Variants in LCP1 observed in about 807,000 individuals in gnomAD.
LCP1 encodes the protein plastin-2.
In LCP1, 23 loss-of-function variants were observed where a neutral mutation model predicts 72.0. That is an observed-to-expected ratio of 0.32 (90% confidence interval 0.23 to 0.45). The LOEUF is 0.45. Ranked by LOEUF, LCP1 falls within the 20% of genes least tolerant of loss-of-function variation. The pLI, the probability that LCP1 is intolerant of heterozygous loss-of-function variation, is 1.00. For missense variants in LCP1, 571 were observed against 748.3 expected (o/e 0.76, Z 2.76); for synonymous variants, 245 against 275.4 (o/e 0.89, Z 1.09).
At chr13:46,172,537 T>C (rs1041296473) in intron 1 of LCP1, among the ~76,000 whole-genome samples, 1 of 151,840 alleles carries the variant, frequency 6.6e-6, no homozygotes, top group African/African-American at 2.4e-5. Context: ...CTCTACAAAG[T>C]GCAAAGCAAA....
chr13:46,151,131 G>A, intron 7 of LCP1, 53 bp from the exon 8 acceptor site: 1 of 1,565,332 alleles, frequency 6.4e-7, no homozygotes, highest in Admixed American at 2.0e-5. Flanking sequence ...TTGGGGGAGG[G>A]GGGTTGGTTA....
At chr13:46,172,261 A>G (rs944279114) in intron 1 of LCP1, among the ~76,000 whole-genome samples, 1 of 152,200 alleles carries the variant, frequency 6.6e-6, no homozygotes, top group Admixed American at 6.5e-5. Context: ...AGATGGGTGG[A>G]TCACCTGAGG....
intron 1 of LCP1, chr13:46,168,652 A>T (rs746121021): frequency 3.9e-5 from 6 of 152,194 alleles, no homozygotes; most frequent in Non-Finnish European, 5.9e-5. Context: ...GTTCACTCCT[A>T]GTTTCTAGGC....
chr13:46,146,821 A>ACATG, intron 10 of LCP1, 87 bp downstream of exon 10: 1 of 1,305,768 alleles, frequency 7.7e-7, no homozygotes, highest in Non-Finnish European at 1.1e-6. Flanking sequence ...TAAATAGTTT[A>ACATG]TATTTGCTTA....
intron 1 of LCP1, among the ~76,000 whole-genome samples, chr13:46,175,980 A>T (rs10083235): frequency 0.028 from 4,250 of 152,242 alleles, 191 homozygotes; most frequent in African/African-American, 0.097. Flanking sequence ...TGAGGGTGAT[A>T]TGAGCAGATG....
intron 1 of LCP1, among the ~76,000 whole-genome samples, chr13:46,162,276 CCCCTCCCTCTCCCGTCT>C (rs1411895871): frequency 4.1e-5 from 5 of 120,960 alleles, no homozygotes; most frequent in Non-Finnish European, 8.5e-5. Context: ...CCTCCCCCTC[CCCCTCCCTCTCCCGTCT>C]CCCTCAACCC....
intron 1 of LCP1, among the ~76,000 whole-genome samples, chr13:46,161,774 G>A (rs1043982513): frequency 1.3e-5 from 2 of 152,150 alleles, no homozygotes; most frequent in Non-Finnish European, 2.9e-5. Context: ...TAAAATACAT[G>A]CCTAAGACCC....
chr13:46,148,976 T>A (rs1017323445), intron 8 of LCP1, among the ~76,000 whole-genome samples: 2 of 152,194 alleles, frequency 1.3e-5, no homozygotes, highest in African/African-American at 4.8e-5. Context: ...GAAAAGTGCA[T>A]TTCATATTTA....
chr13:46,179,506 T>C (rs940077479), intron 1 of LCP1, among the ~76,000 whole-genome samples: 1 of 152,198 alleles, frequency 6.6e-6, no homozygotes, highest in Non-Finnish European at 1.5e-5. Flanking sequence ...ATTAATGTTA[T>C]ACTTACTCCA....
rs568870657 is a variant in LCP1, at chr13:46,150,804, C to A, written c.882+132G>T. 2.1e-5 allele frequency: 21 copies of A among 991,110 alleles called. No homozygotes were observed. In the East Asian group the frequency reaches 4.9e-4, roughly 23 times the overall value. 61.4% of individuals were successfully genotyped at this position (991,110 alleles called of 1,614,324 possible). ...GATGGGCTCTCAAGGACAGTGAGCA[C>A]CTCCAAAACAGCACCAGACTACCCT... On this transcript the variant is annotated intron_variant, in intron 8 of 15. Coordinates refer to ENST00000323076, the MANE Select transcript of LCP1 (RefSeq NM_002298.5).
At chr13:46,168,404 G>A (rs7321994) in intron 1 of LCP1, 42,817 of 152,092 alleles carry the variant, frequency 0.28, 7,238 homozygotes, top group African/African-American at 0.46. Flanking sequence ...GTGAGGGAGT[G>A]GGCAGCTCCC....
chr13:46,148,305 T>C (rs1427909061), intron 9 of LCP1, 47 bp downstream of exon 9: 1 of 1,374,048 alleles, frequency 7.3e-7, no homozygotes, highest in African/African-American at 1.4e-5. Context: ...ACTGCCAACA[T>C]GAAAATAGCA....
At chr13:46,141,476 AG>A (rs2045698402) in intron 13 of LCP1, among the ~76,000 whole-genome samples, 3 of 151,840 alleles carry the variant, frequency 2.0e-5, no homozygotes, top group African/African-American at 4.8e-5. Flanking sequence ...TGTAATAAAG[AG>A]AAATCTTAAA....
At position 46,127,385 on chromosome 13, in the gene LCP1, A is replaced by C. The variant is rs2045604993; in HGVS notation, c.*206T>G. 1.9e-6 allele frequency: 1 copy of C among 534,738 alleles called. No homozygotes were observed. The highest frequency in any genetic ancestry group is 3.2e-5 in the Admixed American group (1 of 30,772). 33.1% of individuals were successfully genotyped at this position (534,738 alleles called of 1,614,324 possible). A position where few individuals can be genotyped will look rare whatever the true frequency, so the allele number is the denominator to read the frequency against. On this transcript the variant is annotated 3_prime_UTR_variant, in exon 16 of 16. Transcript: ENST00000323076. ...GCAAATAAATCAAGAATAGAAACCT[A>C]TATATAGGAGGTTGGGCCTCCTGCA...
chr13:46,170,771 C>T (rs1301085310), intron 1 of LCP1, among the ~76,000 whole-genome samples: 2 of 152,150 alleles, frequency 1.3e-5, no homozygotes, highest in African/African-American at 2.4e-5. Flanking sequence ...TATGCCAGGT[C>T]CTGTGTTAGA....
intron 1 of LCP1, among the ~76,000 whole-genome samples, chr13:46,167,429 C>T (rs1367699626): frequency 1.3e-5 from 2 of 152,124 alleles, no homozygotes; most frequent in Admixed American, 6.5e-5. Context: ...GTTGCCCAAT[C>T]CCATTAAGGG....
rs1474133997 is a variant in LCP1 at position 46,158,855 on chromosome 13, C to T, written c.199G>A (p.Gly67Arg). Residue 67 changes from glycine (G) to arginine (R), a missense_variant, in exon 3 of 16, where the codon GGA (glycine) becomes AGA (arginine). By Grantham distance (125) the Gly-to-Arg change is moderately radical (BLOSUM62 -2). Coordinates refer to ENST00000323076, the MANE Select transcript of LCP1 (RefSeq NM_002298.5). ...ATAAACTCATCAAAGCTGATCCTTC[C>T]ATCTTGGTCCAGATCACCTGTAGCC... ...LMATGDLDQDGRISFDEFIKI... is the reference protein window; with the variant it reads ...LMATGDLDQDRRISFDEFIKI... 1.9e-6 allele frequency: 3 copies of T among 1,614,002 alleles called. No homozygotes were observed. The Admixed American group carries it at 5.0e-5, about 27-fold the overall frequency.
chr13:46,153,451 G>A (rs561080757), intron 6 of LCP1, among the ~76,000 whole-genome samples: 5 of 152,164 alleles, frequency 3.3e-5, no homozygotes, highest in Non-Finnish European at 5.9e-5. Flanking sequence ...CCATAATCCC[G>A]GCACTTTGAG....
chr13:46,137,488 T>C (rs1340706260), intron 13 of LCP1, among the ~76,000 whole-genome samples: 1 of 151,996 alleles, frequency 6.6e-6, no homozygotes, highest in East Asian at 1.9e-4. Context: ...TGTGGTGAGC[T>C]GAGATCGCAC....
Sources: gnomAD v4.1 joint callset for allele counts (sites outside exome capture counted in the v4.1 genomes callset) on GRCh38, gnomAD v4.1.1 for gene constraint, MANE v1.5 for transcripts, NCBI Gene and HGNC (gene_info 2026-07-23, HGNC 2026-07-21) for gene names.